The following ESPL1 variants were observed in gnomAD, a reference collection of about 807,000 sequenced individuals.
ESPL1 encodes extra spindle pole bodies like 1, separase.
In ESPL1, 50 loss-of-function variants were observed where a neutral mutation model predicts 217.2. That is an observed-to-expected ratio of 0.23 (90% CI 0.18 to 0.29). The LOEUF is 0.29. Ranked by LOEUF, ESPL1 falls within the 10% of genes least tolerant of loss-of-function variation. The pLI is 1.00. For missense variants in ESPL1, 1,834 were observed against 2,603.0 expected (o/e 0.70, Z 6.43); for synonymous variants, 994 against 1,081.3 (o/e 0.92, Z 1.58).
chr12:53,280,992 TA>T (rs1226006961), intron 12 of ESPL1, among the ~76,000 whole-genome samples: 126 of 138,408 alleles, frequency 9.1e-4, no homozygotes, highest in Middle Eastern at 3.6e-3. Flanking sequence ...AACTCCGTCC[TA>T]AAAAAAAAAA....
In ESPL1 at chr12:53,287,607, C is replaced by T. The variant is rs552161680; in HGVS notation, c.4177-365C>T. 65 of 165,704 alleles carry T rather than the reference C, an allele frequency of 3.9e-4. No homozygotes were observed. In the South Asian group the frequency reaches 8.5e-3, roughly 22 times the overall value. The allele number at this position is 165,704 out of a possible 1,614,324, so 10.3% of individuals were successfully genotyped here. A position where few individuals can be genotyped will look rare whatever the true frequency, so the allele number is the denominator to read the frequency against. On this transcript the variant is annotated intron_variant, in intron 18 of 30. Transcript: ENST00000257934. ...CTCAAACTCCTGACCTCAGGTGATC[C>T]GCCTGCCTCAGCCTCCCAAAGTGCT...
chr12:53,283,228 C>A lies in ESPL1; in HGVS notation c.2891C>A (p.Ala964Glu), dbSNP rs1168855793. 1 of 1,614,110 alleles carries A rather than the reference C, an allele frequency of 6.2e-7. No individual in the cohort carries two copies. The highest frequency in any genetic ancestry group is 1.3e-5 in the African/African-American group (1 of 74,930). Residue 964 changes from alanine to glutamate, a missense_variant, in exon 15 of 31, where the codon GCA (alanine) becomes GAA (glutamate). Ala to Glu is a moderately radical substitution (Grantham distance 107). This residue lies in a region of ESPL1 where 107 missense variants were observed against 171.7 expected (regional missense o/e 0.62). Transcript: ENST00000257934. ...MGSDILSTQK[A>E]AVETSFLDYG... Reference sequence around the variant, plus strand: ...AGTGACATTCTCTCAACTCAGAAAGCAGCTGTGGAGACATCGTTTTTGGAC... The same window carrying A: ...AGTGACATTCTCTCAACTCAGAAAGAAGCTGTGGAGACATCGTTTTTGGAC...
At position 53,273,836 on chromosome 12, in the gene ESPL1, G is replaced by GTTTT. The variant is rs71096001; in HGVS notation, c.1507-954_1507-951dup. On this transcript the variant is annotated intron_variant, in intron 6 of 30. Transcript: ENST00000257934. ...GAGAACCTGGGTTCTTGGTTTTTTG[G>GTTTT]TTTTTTTTTTTTTTTTTTTTTTTTT... 6.0e-3 allele frequency among the ~76,000 whole-genome samples: 379 copies of GTTTT among 63,172 alleles called. 30 individuals are homozygous for GTTTT. Among genetic ancestry groups the GTTTT allele is most frequent in the African/African-American group, 0.027 (342 of 12,826 alleles). The allele number at this position is 63,172 out of a possible 152,430, so 41.4% of individuals were successfully genotyped here.
At chr12:53,270,169 C>T in intron 3 of ESPL1, 84 bp downstream of exon 3, 1 of 1,233,832 alleles carries the variant, frequency 8.1e-7, no homozygotes, top group East Asian at 2.3e-5. Flanking sequence ...ATCTGGAGGT[C>T]CTGGCTCCCT....
At chr12:53,287,777 T>G in intron 18 of ESPL1, 195 bp from the exon 19 acceptor site, 1 of 528,540 alleles carries the variant, frequency 1.9e-6, no homozygotes, top group Non-Finnish European at 3.3e-6. Context: ...GTTCCCTCAT[T>G]TTCTCCCTCC....
chr12:53,268,979 T>C, intron 2 of ESPL1, 45 bp from the exon 3 acceptor site: 1 of 1,553,934 alleles, frequency 6.4e-7, no homozygotes, highest in Non-Finnish European at 8.9e-7. Flanking sequence ...TCTCTACCTC[T>C]TTCCTGCCTT....
intron 17 of ESPL1, among the ~76,000 whole-genome samples, chr12:53,284,819 C>G (rs1213347349): frequency 2.0e-5 from 3 of 151,430 alleles, no homozygotes; most frequent in African/African-American, 7.3e-5. Flanking sequence ...CAAGACCAGC[C>G]TGGCCAACAA....
intron 6 of ESPL1, 55 bp from the exon 7 acceptor site, chr12:53,274,762 C>A: frequency 6.9e-7 from 1 of 1,449,116 alleles, no homozygotes; most frequent in Non-Finnish European, 9.7e-7. Flanking sequence ...TCCCCTTCCA[C>A]CATACACACT....
rs776254146 is a variant in ESPL1 at position 53,276,590 on chromosome 12, C to G, written c.1701-30C>G. 5.7e-6 allele frequency: 9 copies of G among 1,570,408 alleles called. No individual in the cohort carries two copies. In the Middle Eastern group the frequency reaches 6.4e-4, roughly 113 times the overall value. ...CAGAGGCTTTATGCCTCCTGGGTTCCACCCTGGTGCTGAGCATGCCCTCTC... is the reference window on the plus strand; with the variant it reads ...CAGAGGCTTTATGCCTCCTGGGTTCGACCCTGGTGCTGAGCATGCCCTCTC... On this transcript the variant is annotated intron_variant, in intron 7 of 30. Coordinates refer to ENST00000257934, the MANE Select transcript of ESPL1 (RefSeq NM_012291.5).
At position 53,281,512 on chromosome 12, in the gene ESPL1, C is replaced by T. The variant is rs1438478751; in HGVS notation, c.2505C>T (p.His835=). Residue 835 remains histidine, a synonymous_variant, in exon 13 of 31, where the codon CAC becomes CAT. Transcript: ENST00000257934. ...TLGCPSYAQL[H]LEEAASSLKH... ...CCCTCTGATTGCTTCCTTAGTTACA[C>T]CTGGAAGAGGCAGCATCGAGCCTGA... 1.2e-6 allele frequency: 2 copies of T among 1,613,308 alleles called. No homozygotes were observed.
At chr12:53,268,474 AGTGTCGGGAG>A in intron 1 of ESPL1, 97 bp downstream of exon 1, 1 of 385,502 alleles carries the variant, frequency 2.6e-6, no homozygotes, top group Non-Finnish European at 4.7e-6. Flanking sequence ...TCCTGGAGGG[AGTGTCGGGAG>A]GCCTTGGGAC....
At chr12:53,280,417 A>T (rs1356083485) in intron 12 of ESPL1, among the ~76,000 whole-genome samples, 1 of 152,150 alleles carries the variant, frequency 6.6e-6, no homozygotes, top group South Asian at 2.1e-4. Flanking sequence ...AGAAGACATC[A>T]TTCTGTTTAT....
In ESPL1 at chr12:53,269,258, C is replaced by A. The variant is rs778436779; in HGVS notation, c.316C>A (p.Arg106=). The A allele has an allele frequency of 2.5e-6, 4 of 1,614,192 alleles. No individual in the cohort carries two copies. The highest frequency in any genetic ancestry group is 1.1e-5 in the South Asian group (1 of 91,086). ...YLERILFVLL[R]NAAAQGSPEA... is the part of the protein sequence containing the mutation. ...GGAACGAATTCTCTTTGTCTTACTG[C>A]GGAATGCTGCTGCACAAGGAAGCCC... The change falls in exon 3 of 31, where the codon CGG becomes AGG. Residue 106 remains arginine (R), a synonymous_variant. Transcript: ENST00000257934. This position sits in a 1 kb window ranked among gnomAD's most constrained non-coding sequence, Gnocchi z 6.7.
At chr12:53,268,911 T>A in intron 2 of ESPL1, 64 bp downstream of exon 2, 1 of 1,523,162 alleles carries the variant, frequency 6.6e-7, no homozygotes, top group Non-Finnish European at 9.0e-7. Flanking sequence ...TGTGTTTGCC[T>A]TTTGAAGAGA....
Position 53,271,172 on chromosome 12 carries a change from G to GT in ESPL1, c.1369+393dup, listed in dbSNP as rs1555185860. Among the ~76,000 whole-genome samples the GT allele has an allele frequency of 2.2e-3, 258 of 117,760 alleles. 3 individuals carry two copies. Among genetic ancestry groups the GT allele is most frequent in the Non-Finnish European group, 3.3e-3 (200 of 60,354 alleles). 77.3% of individuals were successfully genotyped at this position (117,760 alleles called of 152,430 possible). ...AAATGACCTTTCTGTATATTTAAGT[G>GT]TTTTTTTTTTTTTTTTTTTGAGACA... On this transcript the variant is annotated intron_variant, in intron 5 of 30. Transcript: ENST00000257934.
rs1943955420 is a variant in ESPL1, at chr12:53,286,747, T to A, written c.4011T>A (p.Gly1337=). Residue 1337 remains glycine (G), a synonymous_variant, in exon 18 of 31, where the codon GGT becomes GGA. Coordinates refer to ENST00000257934, the MANE Select transcript of ESPL1 (RefSeq NM_012291.5). The surrounding 1 kb of genome is among the most constrained non-coding windows in gnomAD (Gnocchi z 5.3). ...PLRLNNTSQK[G]LEGRGLPCTP... is the part of the protein sequence containing the mutation. ...GCCTCAATAATACCTCTCAGAAAGG[T>A]CTGGAAGGTAGAGGACTGCCCTGCA... is the stretch of plus-strand genomic sequence containing the variant. The A allele has an allele frequency of 2.5e-6, 4 of 1,613,890 alleles. No individual in the cohort carries two copies. Among genetic ancestry groups the A allele is most frequent in the Admixed American group, 1.7e-5 (1 of 59,990 alleles).
intron 1 of ESPL1, 95 bp downstream of exon 1, chr12:53,268,472 G>C: frequency 2.5e-6 from 1 of 396,654 alleles, no homozygotes; most frequent in South Asian, 2.8e-5. Context: ...GCTCCTGGAG[G>C]GAGTGTCGGG....
chr12:53,276,458 G>A (rs774641281), intron 7 of ESPL1, among the ~76,000 whole-genome samples, 162 bp from the exon 8 acceptor site: 1 of 152,210 alleles, frequency 6.6e-6, no homozygotes, highest in Non-Finnish European at 1.5e-5. Flanking sequence ...GCCCACTGCC[G>A]TTTGTTAAAC....
At chr12:53,291,893 TG>T in intron 26 of ESPL1, 33 bp downstream of exon 26, 1 of 1,593,492 alleles carries the variant, frequency 6.3e-7, no homozygotes, top group Non-Finnish European at 8.6e-7. Flanking sequence ...CAGTGTCTAG[TG>T]GGGAGTGAAT....
Sources: allele counts gnomAD v4.1 joint callset (sites outside exome capture counted in the v4.1 genomes callset), GRCh38; gene constraint gnomAD v4.1.1; regional missense constraint gnomAD v4.1.1; non-coding constraint Gnocchi (gnomAD v3.1); transcripts MANE v1.5; gene names NCBI Gene and HGNC (gene_info 2026-07-23, HGNC 2026-07-21).